LILRB2: variants seen among roughly 807,000 people sequenced by gnomAD.
LILRB2 encodes leukocyte immunoglobulin like receptor B2, also known as leukocyte immunoglobulin-like receptor subfamily B member 2.
In LILRB2, 47 loss-of-function variants were observed where a neutral mutation model predicts 72.7. That is an observed-to-expected ratio of 0.65 (90% CI 0.51 to 0.82). The LOEUF is 0.82. Ranked by LOEUF, LILRB2 falls within the 40% of genes least tolerant of loss-of-function variation. The pLI, the probability that LILRB2 is intolerant of heterozygous loss-of-function variation, is 0.00. For missense variants in LILRB2, 767 were observed against 764.8 expected (o/e 1.00, Z -0.03); for synonymous variants, 279 against 313.7 (o/e 0.89, Z 1.17).
In LILRB2 at chr19:54,274,261, T is replaced by C. The variant is rs1277574665; in HGVS notation, c.*422A>G. 1.8e-5 allele frequency: 3 copies of C among 169,168 alleles called. No individual in the cohort carries two copies. Among genetic ancestry groups the C allele is most frequent in the African/African-American group, 7.2e-5 (3 of 41,734 alleles). 10.5% of individuals were successfully genotyped at this position (169,168 alleles called of 1,614,324 possible). On this transcript the variant is annotated 3_prime_UTR_variant, in exon 14 of 14. Coordinates refer to ENST00000314446, the MANE Select transcript of LILRB2 (RefSeq NM_001080978.4). The stretch of plus-strand genomic sequence containing the variant: ...CTTATTCCCTTTCTTACACCTTCAT[T>C]TGGAATAATTGGTTATTCTTTTTCT...
intron 9 of LILRB2, 158 bp from the exon 10 acceptor site, chr19:54,277,087 G>A: frequency 6.6e-7 from 1 of 1,507,114 alleles, no homozygotes; most frequent in East Asian, 2.5e-5. Context: ...ATGAAAAACT[G>A]ACGCTCAGAG....
At chr19:54,275,669 G>T (rs190017815) in intron 13 of LILRB2, 18 of 587,446 alleles carry the variant, frequency 3.1e-5, no homozygotes, top group Middle Eastern at 4.5e-4. Flanking sequence ...GGGGACCGGG[G>T]TGGTTCATTT....
rs369263420 is a variant in LILRB2, at chr19:54,274,637, T to G, written c.*46A>C. On this transcript the variant is annotated 3_prime_UTR_variant, in exon 14 of 14. Transcript: ENST00000314446. ...GGGGCAGCTCCCGTGCCTTCAGCAG[T>G]CCTGAGTCTCCTTCTACTGAGTGTG... The G allele has an allele frequency of 6.2e-7, 1 of 1,613,808 alleles. No individual in the cohort carries two copies. The highest frequency in any genetic ancestry group is 8.5e-7 in the Non-Finnish European group (1 of 1,179,814).
intron 13 of LILRB2, 51 bp downstream of exon 13, chr19:54,275,900 A>G: frequency 1.2e-6 from 2 of 1,602,692 alleles, no homozygotes; most frequent in Non-Finnish European, 1.7e-6. Context: ...CTGCTGGATT[A>G]GATCTGGCAC....
Position 54,279,950 on chromosome 19 carries a change from A to AT in LILRB2, c.195dup (p.Ser66IlefsTer43), listed in dbSNP as rs769675254. On this transcript the variant is annotated frameshift_variant, in exon 4 of 14. Coordinates refer to ENST00000314446, the MANE Select transcript of LILRB2 (RefSeq NM_001080978.4). LOFTEE classifies it high-confidence loss of function. ...CGTATCCGTGTAATCCAAGATGCTG[A>AT]TTTTTTCTCCCTATATAGACGGTAC... 2.5e-6 allele frequency: 4 copies of AT among 1,613,816 alleles called. No homozygotes were observed. The highest frequency in any genetic ancestry group is 2.2e-5 in the East Asian group (1 of 44,864).
Position 54,276,452 on chromosome 19 carries a change from C to A in LILRB2, c.1485G>T (p.Gln495His), listed in dbSNP as rs367868114. 19 of 1,588,128 alleles carry A rather than the reference C, an allele frequency of 1.2e-5. No individual in the cohort carries two copies. The African/African-American group carries it at 2.6e-4, about 21-fold the overall frequency. The change falls in exon 11 of 14, where the codon CAG (glutamine) becomes CAT (histidine). Residue 495 changes from glutamine to histidine, a missense_variant. Gln to His is a conservative substitution (Grantham distance 24). Transcript: ENST00000314446. ...RRQGKHWTST[Q>H]RKADFQHPAG... ...CAGGATGTTGGAAATCAGCCTTTCTCTGGGCTGGGGGAAGAAGGACAGAGC... is the reference window on the plus strand; with the variant it reads ...CAGGATGTTGGAAATCAGCCTTTCTATGGGCTGGGGGAAGAAGGACAGAGC...
chr19:54,276,956 G>A, intron 9 of LILRB2, 27 bp from the exon 10 acceptor site: 6 of 1,604,480 alleles, frequency 3.7e-6, no homozygotes, highest in Non-Finnish European at 3.4e-6. Context: ...TCAGGGATGG[G>A]GGTGATGTCA....
chr19:54,278,086 G>C, intron 7 of LILRB2, 147 bp from the exon 8 acceptor site: 1 of 1,127,426 alleles, frequency 8.9e-7, no homozygotes, highest in Non-Finnish European at 1.2e-6. Flanking sequence ...CGATGCCGCT[G>C]AGTGTGCGCA....
At chr19:54,277,340 T>C in intron 9 of LILRB2, 1 of 1,211,362 alleles carries the variant, frequency 8.3e-7, no homozygotes, top group Non-Finnish European at 1.2e-6. Context: ...CTGAGGGGCC[T>C]CCTCTCCCAG....
At position 54,274,325 on chromosome 19, in the gene LILRB2, GTT is replaced by G. The variant is rs372099514; in HGVS notation, c.*356_*357del. 2.6e-5 allele frequency: 5 copies of G among 192,932 alleles called. No individual in the cohort carries two copies. The highest frequency in any genetic ancestry group is 1.2e-4 in the East Asian group (1 of 8,358). 12.0% of individuals were successfully genotyped at this position (192,932 alleles called of 1,614,324 possible). A position where few individuals can be genotyped will look rare whatever the true frequency, so the allele number is the denominator to read the frequency against. On this transcript the variant is annotated 3_prime_UTR_variant, in exon 14 of 14. Transcript: ENST00000314446. Reference sequence around the variant, plus strand: ...GAAAGCCAACGTCATTCATTTCCTAGTTTTTTTTTTTCGTTTCTACTTTTTTC... The same window carrying G: ...GAAAGCCAACGTCATTCATTTCCTAGTTTTTTTTTCGTTTCTACTTTTTTC...
At chr19:54,277,271 C>A in intron 9 of LILRB2, 2 of 1,510,354 alleles carry the variant, frequency 1.3e-6, no homozygotes, top group Non-Finnish European at 1.8e-6. Flanking sequence ...CCCAGGTCAC[C>A]GTCTCTGCTG....
rs1386878180 is a variant in LILRB2 at position 54,276,460 on chromosome 19, G to A, written c.1481-4C>T. On this transcript the variant is annotated splice_polypyrimidine_tract_variant and splice_region_variant and intron_variant, in intron 10 of 13. Transcript: ENST00000314446. Reference sequence around the variant, plus strand: ...TGGAAATCAGCCTTTCTCTGGGCTGGGGGAAGAAGGACAGAGCCTCAGCCC... The same window carrying A: ...TGGAAATCAGCCTTTCTCTGGGCTGAGGGAAGAAGGACAGAGCCTCAGCCC... The A allele has an allele frequency of 6.3e-7, 1 of 1,575,022 alleles. No individual in the cohort carries two copies. Among genetic ancestry groups the A allele is most frequent in the South Asian group, 1.1e-5 (1 of 88,682 alleles).
rs762219135 is a variant in LILRB2 at position 54,279,604 on chromosome 19, C to T, written c.399G>A (p.Val133=). The part of the protein sequence containing the change: ...KPTLSAQPSP[V]VTSGGRVTLQ... ...GGGTCACCCTTCCTCCTGAGGTCAC[C>T]ACAGGGCTGGGCTGGGCTGAGAGGG... Residue 133 remains valine, a synonymous_variant, in exon 5 of 14, where the codon GTG becomes GTA. Coordinates refer to ENST00000314446, the MANE Select transcript of LILRB2 (RefSeq NM_001080978.4). The T allele has an allele frequency of 2.5e-6, 4 of 1,614,106 alleles. No homozygotes were observed. Among genetic ancestry groups the T allele is most frequent in the Non-Finnish European group, 3.4e-6 (4 of 1,179,998 alleles).
chr19:54,274,154 A>G lies in LILRB2; in HGVS notation c.*529T>C, dbSNP rs1361039078. ...AATGTAGTTAGGATTTATGACTGTA[A>G]TTAATATTTTCAAGAATGAGCTTCA... On this transcript the variant is annotated 3_prime_UTR_variant, in exon 14 of 14. Transcript: ENST00000314446. 1 of 157,254 alleles carries G rather than the reference A, an allele frequency of 6.4e-6. No individual in the cohort carries two copies. The highest frequency in any genetic ancestry group is 6.1e-5 in the Admixed American group (1 of 16,328). The allele number at this position is 157,254 out of a possible 1,614,324, so 9.7% of individuals were successfully genotyped here.
In LILRB2 at chr19:54,278,218, C is replaced by G. The variant is rs1181717344; in HGVS notation, c.1258+42G>C. 3 of 1,610,920 alleles carry G rather than the reference C, an allele frequency of 1.9e-6. No homozygotes were observed. In the South Asian group the frequency reaches 3.3e-5, roughly 18 times the overall value. ...GCTCTCCTGGGGGGCAGGGCCTGAG[C>G]TGAGCCTTTGAGCTCAGAGAGGACA... On this transcript the variant is annotated intron_variant, in intron 7 of 13. Coordinates refer to ENST00000314446, the MANE Select transcript of LILRB2 (RefSeq NM_001080978.4).
chr19:54,276,068 G>C, intron 12 of LILRB2, 65 bp from the exon 13 acceptor site: 1 of 1,594,512 alleles, frequency 6.3e-7, no homozygotes, highest in Non-Finnish European at 8.6e-7. Context: ...AGTCCTGCCA[G>C]CCCCTGCCCT....
At chr19:54,280,202 C>G (rs113261587) in intron 3 of LILRB2, 62 bp downstream of exon 3, 3 of 1,613,150 alleles carry the variant, frequency 1.9e-6, no homozygotes, top group Non-Finnish European at 1.7e-6. Context: ...CCCAGCTGCA[C>G]GGAGGTGGCC....
In LILRB2 at chr19:54,278,502, T is replaced by C. The variant is rs755184884; in HGVS notation, c.1016A>G (p.Glu339Gly). ...VQPGPTVASGENVTLLCQSWR... is the reference protein window; with the variant it reads ...VQPGPTVASGGNVTLLCQSWR... ...TGACTGACACAGCAGGGTCACGTTCTCTCCTGAGGCCACTGTGGGGCCTGG... is the reference window on the plus strand; with the variant it reads ...TGACTGACACAGCAGGGTCACGTTCCCTCCTGAGGCCACTGTGGGGCCTGG... Residue 339 changes from glutamate to glycine, a missense_variant, in exon 7 of 14, where the codon GAG (glutamate) becomes GGG (glycine). Physicochemically the swap from Glu to Gly is moderately conservative, Grantham distance 98. Transcript: ENST00000314446. The C allele has an allele frequency of 1.5e-5, 25 of 1,614,112 alleles. No homozygotes were observed. The highest frequency in any genetic ancestry group is 1.3e-5 in the Non-Finnish European group (15 of 1,180,038).
Position 54,277,783 on chromosome 19 carries a change from A to G in LILRB2, c.1309+106T>C, listed in dbSNP as rs1053210639. ...TCTGGCTCTGCCCAGCTCCCTGGAC[A>G]GAAGCCCTTGATTGAGTCCCTGAAG... On this transcript the variant is annotated intron_variant, in intron 8 of 13. Transcript: ENST00000314446. 4 of 1,329,536 alleles carry G rather than the reference A, an allele frequency of 3.0e-6. No individual in the cohort carries two copies. In the African/African-American group the frequency reaches 5.9e-5, roughly 20 times the overall value. The allele number at this position is 1,329,536 out of a possible 1,614,324, so 82.4% of individuals were successfully genotyped here. A position where few individuals can be genotyped will look rare whatever the true frequency, so the allele number is the denominator to read the frequency against.
Sources: allele counts gnomAD v4.1 joint callset, GRCh38; gene constraint gnomAD v4.1.1; transcripts MANE v1.5; gene names NCBI Gene and HGNC (gene_info 2026-07-23, HGNC 2026-07-21).